ZNF330: variants seen among roughly 807,000 people sequenced by gnomAD.
ZNF330 encodes the protein zinc finger protein 330.
Under a neutral mutation model 45.5 loss-of-function variants are expected in ZNF330, and 31 were observed. The observed-to-expected ratio is 0.68, with a 90% CI of 0.51 to 0.92. The LOEUF (loss-of-function observed/expected upper bound fraction) is 0.92, where lower values mean the gene tolerates loss of function less well. ZNF330 is among the 40% of genes least tolerant of loss of function. The pLI, the probability that ZNF330 is intolerant of heterozygous loss-of-function variation, is 0.00. For missense variants in ZNF330, 356 were observed against 387.4 expected, an observed-to-expected ratio of 0.92 and a Z score of 0.68; for synonymous variants, 138 against 123.2, an observed-to-expected ratio of 1.12 and a Z score of -0.79.
intron 4 of ZNF330, 123 bp downstream of exon 4, chr4:141,224,800 C>G (rs1728763423): frequency 1.3e-6 from 1 of 769,058 alleles, no homozygotes; most frequent in Admixed American, 2.6e-5. Flanking sequence ...TATGCCTTAC[C>G]ATTAACAAAA....
intron 9 of ZNF330, 144 bp from the exon 10 acceptor site, chr4:141,233,571 C>T: frequency 7.5e-7 from 1 of 1,333,094 alleles, no homozygotes. Flanking sequence ...TATATAGACT[C>T]AGGTGAAAAA....
At chr4:141,225,177 A>G (rs1219800364) in intron 4 of ZNF330, among the ~76,000 whole-genome samples, 1 of 152,044 alleles carries the variant, frequency 6.6e-6, no homozygotes. Context: ...ATGTATTCCC[A>G]GGTGATTTAA....
chr4:141,221,566 G>C (rs1728678371), intron 1 of ZNF330, among the ~76,000 whole-genome samples: 1 of 151,950 alleles, frequency 6.6e-6, no homozygotes, highest in Non-Finnish European at 1.5e-5. Context: ...TGGGCGTTAC[G>C]TTACCGAAAT....
At chr4:141,231,930 A>G (rs187561247) in intron 8 of ZNF330, among the ~76,000 whole-genome samples, 114 of 152,168 alleles carry the variant, frequency 7.5e-4, no homozygotes, top group African/African-American at 2.6e-3. Flanking sequence ...TCTAGTTCTT[A>G]TATTCCTAAC....
rs960826111 is a variant in ZNF330 at position 141,220,952 on chromosome 4, C to G, written c.-163C>G. 2.0e-5 allele frequency: 3 copies of G among 152,304 alleles called. No individual in the cohort carries two copies. The highest frequency in any genetic ancestry group is 4.4e-5 in the Non-Finnish European group (3 of 68,092). The allele number at this position is 152,304 out of a possible 1,614,324, so 9.4% of individuals were successfully genotyped here. On this transcript the variant is annotated 5_prime_UTR_variant, in exon 1 of 10. Transcript: ENST00000262990. ...AGTGTCCGGAATCGGCTGTCAGCCT[C>G]CCTGGCTGTTAGTACCTTCTTTCCC...
chr4:141,230,328 T>A, intron 7 of ZNF330, 58 bp downstream of exon 7: 2 of 1,024,072 alleles, frequency 2.0e-6, no homozygotes, highest in Non-Finnish European at 2.9e-6. Context: ...GTATAATTAT[T>A]AATCTTAATG....
In ZNF330 at chr4:141,234,231, A is replaced by G. The variant is rs1419955369; in HGVS notation, c.*242A>G. 8 of 602,202 alleles carry G rather than the reference A, an allele frequency of 1.3e-5. No individual in the cohort carries two copies. The East Asian group carries it at 3.1e-4, about 23-fold the overall frequency. The allele number at this position is 602,202 out of a possible 1,614,324, so 37.3% of individuals were successfully genotyped here. A position where few individuals can be genotyped will look rare whatever the true frequency, so the allele number is the denominator to read the frequency against. On this transcript the variant is annotated 3_prime_UTR_variant, in exon 10 of 10. Transcript: ENST00000262990. ...GATCGAAGCAATTGAAGTATCATGG[A>G]TTGGATTGTTACTGATTTCAGTAAA...
chr4:141,227,127 T>A (rs563344061), intron 5 of ZNF330, among the ~76,000 whole-genome samples: 1,555 of 151,510 alleles, frequency 0.01, 27 homozygotes, highest in African/African-American at 0.031. Flanking sequence ...TTTTTTTTTT[T>A]AAATTTTATT....
At position 141,226,761 on chromosome 4, in the gene ZNF330, C is replaced by T. The variant is rs751401337; in HGVS notation, c.212-6C>T. 2 of 1,611,432 alleles carry T rather than the reference C, an allele frequency of 1.2e-6. No homozygotes were observed. Among genetic ancestry groups the T allele is most frequent in the African/African-American group, 2.7e-5 (2 of 74,752 alleles). On this transcript the variant is annotated splice_polypyrimidine_tract_variant and splice_region_variant and intron_variant, in intron 4 of 9. Coordinates refer to ENST00000262990, the MANE Select transcript of ZNF330 (RefSeq NM_014487.6). ...GACTAACAGTGCAAATGTTTTTCTT[C>T]ATTAGGGAAAACAAAGTGCATGATG...
chr4:141,230,113 T>A (rs1424572827), intron 6 of ZNF330, 53 bp from the exon 7 acceptor site: 1 of 1,330,630 alleles, frequency 7.5e-7, no homozygotes, highest in African/African-American at 1.5e-5. Flanking sequence ...AGATATGAGT[T>A]TTTTTAAATT....
intron 4 of ZNF330, among the ~76,000 whole-genome samples, chr4:141,225,933 C>G (rs142577111): frequency 0.014 from 2,127 of 152,114 alleles, 20 homozygotes; most frequent in South Asian, 0.027. Flanking sequence ...AGTTGGGTAG[C>G]TGCTGCCTCT....
chr4:141,234,469 T>G lies in ZNF330; in HGVS notation c.*480T>G. The stretch of plus-strand genomic sequence containing the variant: ...TTATATTCTAAATTTTCATTAAATA[T>G]TCATGTCACCTTGAGTTGTCATGAT... On this transcript the variant is annotated 3_prime_UTR_variant, in exon 10 of 10. Coordinates refer to ENST00000262990, the MANE Select transcript of ZNF330 (RefSeq NM_014487.6). 6.5e-6 allele frequency: 1 copy of G among 153,258 alleles called. No homozygotes were observed. The highest frequency in any genetic ancestry group is 2.4e-5 in the African/African-American group (1 of 41,576). The allele number at this position is 153,258 out of a possible 1,614,324, so 9.5% of individuals were successfully genotyped here. A position where few individuals can be genotyped will look rare whatever the true frequency, so the allele number is the denominator to read the frequency against.
chr4:141,230,125 A>G (rs1728913196), intron 6 of ZNF330, 41 bp from the exon 7 acceptor site: 2 of 1,413,110 alleles, frequency 1.4e-6, no homozygotes, highest in South Asian at 2.4e-5. Context: ...TTTTAAATTA[A>G]AGTTTATCTT....
At chr4:141,227,672 T>C (rs1427689220) in intron 5 of ZNF330, among the ~76,000 whole-genome samples, 1 of 152,144 alleles carries the variant, frequency 6.6e-6, no homozygotes, top group East Asian at 1.9e-4. Flanking sequence ...CTTTCTAATA[T>C]CTCTTAACCA....
chr4:141,229,765 C>G (rs1277172516), intron 6 of ZNF330, 68 bp downstream of exon 6: 2 of 1,598,202 alleles, frequency 1.3e-6, no homozygotes, highest in Admixed American at 1.7e-5. Flanking sequence ...ATTTTGAATG[C>G]TGTTTTTGAG....
chr4:141,226,664 A>C, intron 4 of ZNF330, 103 bp from the exon 5 acceptor site: 1 of 802,106 alleles, frequency 1.2e-6, no homozygotes, highest in Non-Finnish European at 2.0e-6. Context: ...ATTAGTTTTT[A>C]AATTATTTCC....
chr4:141,229,510 T>C, intron 5 of ZNF330, 61 bp from the exon 6 acceptor site: 3 of 1,604,446 alleles, frequency 1.9e-6, no homozygotes, highest in South Asian at 1.1e-5. Flanking sequence ...TTGCCGTGGT[T>C]AAAGAATGGT....
chr4:141,234,581 T>G lies in ZNF330; in HGVS notation c.*592T>G, dbSNP rs1247668531. 1 of 152,178 alleles carries G rather than the reference T, an allele frequency of 6.6e-6. No homozygotes were observed. Among genetic ancestry groups the G allele is most frequent in the Non-Finnish European group, 1.5e-5 (1 of 68,022 alleles). 9.4% of individuals were successfully genotyped at this position (152,178 alleles called of 1,614,324 possible). A position where few individuals can be genotyped will look rare whatever the true frequency, so the allele number is the denominator to read the frequency against. On this transcript the variant is annotated 3_prime_UTR_variant, in exon 10 of 10. Transcript: ENST00000262990. ...CCTATTATTGATGCCTTAAATGTATTGATAAGGTGACTAGTTAGCCATTTT... is the reference window on the plus strand; with the variant it reads ...CCTATTATTGATGCCTTAAATGTATGGATAAGGTGACTAGTTAGCCATTTT...
chr4:141,221,636 G>T (rs1037886340), intron 1 of ZNF330, among the ~76,000 whole-genome samples: 333 of 147,520 alleles, frequency 2.3e-3, no homozygotes, highest in Non-Finnish European at 3.0e-3. Context: ...CACCTGTTTT[G>T]TTTTTTTTTT....
Sources: gnomAD v4.1 joint callset for allele counts (sites outside exome capture counted in the v4.1 genomes callset) on GRCh38, gnomAD v4.1.1 for gene constraint, MANE v1.5 for transcripts, NCBI Gene and HGNC (gene_info 2026-07-23, HGNC 2026-07-21) for gene names.